Variants in CHST8 observed in about 807,000 individuals in gnomAD.
CHST8 encodes the protein GALNAC-4-ST1.
CHST8 carries 10 observed loss-of-function variants against 15.0 expected under a neutral mutation model. That is an observed-to-expected ratio of 0.67 (90% CI 0.41 to 1.13). The LOEUF (loss-of-function observed/expected upper bound fraction) is 1.13, where lower values mean the gene tolerates loss of function less well. Ranked by LOEUF, CHST8 falls within the 50% of genes most tolerant of loss-of-function variation. CHST8 has a pLI of 0.00. For missense variants in CHST8, 634 were observed against 608.2 expected, an observed-to-expected ratio of 1.04 and a Z score of -0.45; for synonymous variants, 259 against 256.6, an observed-to-expected ratio of 1.01 and a Z score of -0.09.
intron 3 of CHST8, among the ~76,000 whole-genome samples, chr19:33,764,216 T>A (rs910644343): frequency 6.6e-6 from 1 of 152,050 alleles, no homozygotes; most frequent in Admixed American, 6.5e-5. Flanking sequence ...ATGACACAGA[T>A]GGACATGACA....
At chr19:33,767,662 G>T (rs114129886) in intron 3 of CHST8, among the ~76,000 whole-genome samples, 4 of 152,218 alleles carry the variant, frequency 2.6e-5, no homozygotes, top group Non-Finnish European at 4.4e-5. Context: ...CTTACTGTGC[G>T]GGGGGATGGA....
intron 3 of CHST8, among the ~76,000 whole-genome samples, chr19:33,751,684 G>A (rs772400693): frequency 2.6e-5 from 4 of 152,218 alleles, no homozygotes; most frequent in South Asian, 2.1e-4. Flanking sequence ...CAGACAGCTC[G>A]GGCCTGGACC....
Position 33,773,298 on chromosome 19 carries a change from GA to G in CHST8, c.*237del, listed in dbSNP as rs1255659204. The G allele has an allele frequency of 1.4e-4, 79 of 566,514 alleles. No homozygotes were observed. The highest frequency in any genetic ancestry group is 2.5e-5 in the Non-Finnish European group (8 of 322,792). 35.1% of individuals were successfully genotyped at this position (566,514 alleles called of 1,614,324 possible). On this transcript the variant is annotated 3_prime_UTR_variant, in exon 5 of 5. Coordinates refer to ENST00000650847, the MANE Select transcript of CHST8 (RefSeq NM_001127895.2). ...ATTCCTTGGCTGAGGGAGAGGCTGA[GA>G]ACTGGGCAGACACCCCTGGAGCTCA...
chr19:33,739,492 GTTTT>G (rs1974146412), intron 3 of CHST8, among the ~76,000 whole-genome samples: 1 of 152,210 alleles, frequency 6.6e-6, no homozygotes, highest in South Asian at 2.1e-4. Flanking sequence ...TTACACTGTT[GTTTT>G]AGCCTGTTGT....
At chr19:33,647,041 G>C (rs889592222) in intron 1 of CHST8, among the ~76,000 whole-genome samples, 2 of 152,266 alleles carry the variant, frequency 1.3e-5, no homozygotes, top group Non-Finnish European at 2.9e-5. Context: ...AATGGAGTCA[G>C]CTATCAGATT....
At position 33,683,717 on chromosome 19, in the gene CHST8, G is replaced by A. The variant is rs529027421; in HGVS notation, c.-86-5459G>A. On this transcript the variant is annotated intron_variant, in intron 2 of 4. Transcript: ENST00000650847. Reference sequence around the variant, plus strand: ...TATTGATCACCTTCCCTGTGCCGGGGACTGTGCTAGGTGCTGGGAATACAA... The same window carrying A: ...TATTGATCACCTTCCCTGTGCCGGGAACTGTGCTAGGTGCTGGGAATACAA... 2.6e-5 allele frequency among the ~76,000 whole-genome samples: 4 copies of A among 152,340 alleles called. No homozygotes were observed. In the South Asian group the frequency reaches 8.3e-4, roughly 32 times the overall value.
chr19:33,755,164 C>T (rs1263034923), intron 3 of CHST8, among the ~76,000 whole-genome samples: 3 of 152,188 alleles, frequency 2.0e-5, no homozygotes, highest in Non-Finnish European at 4.4e-5. Context: ...TGTCTGCAAC[C>T]ACAGATTTTC....
intron 3 of CHST8, among the ~76,000 whole-genome samples, chr19:33,760,153 A>T (rs141896347): frequency 0.021 from 3,158 of 152,010 alleles, 53 homozygotes; most frequent in Non-Finnish European, 0.027. Flanking sequence ...TTAAATTCAA[A>T]ATAACTCCAC....
chr19:33,663,546 C>T (rs554702017), intron 1 of CHST8, among the ~76,000 whole-genome samples: 1 of 152,088 alleles, frequency 6.6e-6, no homozygotes, highest in Non-Finnish European at 1.5e-5. Flanking sequence ...CCTGGGGGAC[C>T]TAGTGAGACC....
chr19:33,719,900 TACTGCTGCAGCCAC>T (rs1227894194), intron 3 of CHST8, among the ~76,000 whole-genome samples: 2 of 152,122 alleles, frequency 1.3e-5, no homozygotes, highest in African/African-American at 4.8e-5. Flanking sequence ...GTGACAGAGC[TACTGCTGCAGCCAC>T]ACACTCAGTG....
intron 1 of CHST8, among the ~76,000 whole-genome samples, chr19:33,639,840 AT>A (rs55789565): frequency 0.5 from 68,471 of 137,910 alleles, 16,403 homozygotes; most frequent in African/African-American, 0.62. Context: ...AGCAAATCAA[AT>A]TTTTTTTTTT....
chr19:33,692,851 T>C (rs1384113865), intron 3 of CHST8, among the ~76,000 whole-genome samples: 1 of 152,114 alleles, frequency 6.6e-6, no homozygotes, highest in African/African-American at 2.4e-5. Context: ...AGTAGGATAG[T>C]GCCATGAACA....
intron 3 of CHST8, among the ~76,000 whole-genome samples, chr19:33,730,126 C>A (rs1296672645): frequency 6.6e-6 from 1 of 152,152 alleles, no homozygotes; most frequent in Non-Finnish European, 1.5e-5. Context: ...TGACTTTCTG[C>A]TACAAGGAAG....
Position 33,772,472 on chromosome 19 carries a change from C to G in CHST8, c.684C>G (p.His228Gln). Residue 228 changes from histidine (H) to glutamine (Q), a missense_variant, in exon 5 of 5, where the codon CAC (histidine) becomes CAG (glutamine). Physicochemically the swap from His to Gln is conservative, Grantham distance 24. Coordinates refer to ENST00000650847, the MANE Select transcript of CHST8 (RefSeq NM_001127895.2). ...STADIQHNTVHYGSALKRLDT... is the reference protein window; with the variant it reads ...STADIQHNTVQYGSALKRLDT... ...CCGACATCCAGCACAACACCGTCCACTATGGCAGCGCTCTCAAGCGCCTGG... is the reference window on the plus strand; with the variant it reads ...CCGACATCCAGCACAACACCGTCCAGTATGGCAGCGCTCTCAAGCGCCTGG... The G allele has an allele frequency of 6.2e-7, 1 of 1,613,494 alleles. No homozygotes were observed. Among genetic ancestry groups the G allele is most frequent in the Non-Finnish European group, 8.5e-7 (1 of 1,180,026 alleles).
At chr19:33,723,894 C>T (rs1223299376) in intron 3 of CHST8, among the ~76,000 whole-genome samples, 4 of 152,302 alleles carry the variant, frequency 2.6e-5, no homozygotes, top group Admixed American at 6.5e-5. Context: ...ATCCCATGCC[C>T]CTTCTGGTGT....
intron 3 of CHST8, among the ~76,000 whole-genome samples, chr19:33,741,868 G>A (rs1470916684): frequency 1.3e-5 from 2 of 152,106 alleles, no homozygotes; most frequent in East Asian, 1.9e-4. Context: ...TGGGGGTTTT[G>A]CCAGCTGTCA....
intron 3 of CHST8, among the ~76,000 whole-genome samples, chr19:33,729,728 G>A (rs1213653232): frequency 1.3e-5 from 2 of 152,230 alleles, no homozygotes; most frequent in Non-Finnish European, 2.9e-5. Flanking sequence ...ACTGAACAAG[G>A]AAATGGGAAA....
chr19:33,664,241 A>G (rs1436062554), intron 1 of CHST8, among the ~76,000 whole-genome samples: 1 of 152,112 alleles, frequency 6.6e-6, no homozygotes, highest in Non-Finnish European at 1.5e-5. Context: ...GGGAATCTAT[A>G]TGGTTTACCC....
chr19:33,768,337 G>T (rs1177065260), intron 3 of CHST8, among the ~76,000 whole-genome samples: 1 of 152,188 alleles, frequency 6.6e-6, no homozygotes, highest in Non-Finnish European at 1.5e-5. Context: ...CCCTTTGGGA[G>T]GCCGAGGCAG....
Sources: gnomAD v4.1 joint callset for allele counts (sites outside exome capture counted in the v4.1 genomes callset) on GRCh38, gnomAD v4.1.1 for gene constraint, MANE v1.5 for transcripts, NCBI Gene and HGNC (gene_info 2026-07-23, HGNC 2026-07-21) for gene names.